The following NIPA2 variants were observed in gnomAD, a reference collection of about 807,000 sequenced individuals.
NIPA2 encodes the protein NIPA magnesium transporter 2, also known as magnesium transporter NIPA2.
Under a neutral mutation model 29.7 loss-of-function variants are expected in NIPA2, and 11 were observed. The observed-to-expected ratio is 0.37, with a 90% CI of 0.23 to 0.61. NIPA2 has a LOEUF of 0.61. Among genes scored for constraint, NIPA2 ranks in the 20% least tolerant of loss-of-function variants. NIPA2 has a pLI of 0.66. For missense variants in NIPA2, 426 were observed against 437.9 expected, an observed-to-expected ratio of 0.97 and a Z score of 0.24; for synonymous variants, 183 against 161.9, an observed-to-expected ratio of 1.13 and a Z score of -0.99.
intron 5 of NIPA2, among the ~76,000 whole-genome samples, chr15:22,854,603 G>A (rs1037677493): frequency 1.1e-4 from 17 of 151,806 alleles, no homozygotes; most frequent in Non-Finnish European, 1.8e-4. Context: ...AAAATTAGCC[G>A]GGCGTGGTGG....
In NIPA2 at chr15:22,865,413, G is replaced by A. The variant is rs548384229; in HGVS notation, c.449-800G>A. Among the ~76,000 whole-genome samples the A allele has an allele frequency of 5.9e-3, 896 of 151,974 alleles. 2 individuals carry two copies. The highest frequency in any genetic ancestry group is 0.014 in the Admixed American group (208 of 15,294). ...AGGCAGGAGAATGGCGTGAACCCGG[G>A]AGGCGGAGCTTGCAGTGAGCCGAGA... On this transcript the variant is annotated intron_variant, in intron 7 of 7. Transcript: ENST00000337451.
At chr15:22,850,331 G>C (rs1294326908) in intron 3 of NIPA2, among the ~76,000 whole-genome samples, 1 of 152,058 alleles carries the variant, frequency 6.6e-6, no homozygotes, top group Admixed American at 6.6e-5. Context: ...AGGCCTCTAG[G>C]TGTAGACTCA....
At chr15:22,843,996 C>T (rs1897886784) in intron 2 of NIPA2, among the ~76,000 whole-genome samples, 1 of 152,012 alleles carries the variant, frequency 6.6e-6, no homozygotes, top group African/African-American at 2.4e-5. Flanking sequence ...CGTGCTCGGC[C>T]CAGTTGGTGT....
intron 3 of NIPA2, among the ~76,000 whole-genome samples, chr15:22,847,602 T>G: frequency 6.6e-6 from 1 of 152,084 alleles, no homozygotes; most frequent in African/African-American, 2.4e-5. Context: ...GTAGCTATGA[T>G]TACAGGAACC....
Position 22,860,745 on chromosome 15 carries a change from A to T in NIPA2, c.404A>T (p.Glu135Val). Reference protein sequence around the residue: ...VMVIHAPKEEEIETLNEMSHK... With the variant: ...VMVIHAPKEEVIETLNEMSHK... ...GTCATTCATGCTCCAAAGGAAGAGG[A>T]GATTGAGACTTTAAATGAAATGTCT... Residue 135 changes from glutamate (E) to valine (V), a missense_variant, in exon 7 of 8, where the codon GAG (glutamate) becomes GTG (valine). Glu to Val is a moderately radical substitution (Grantham distance 121). Transcript: ENST00000337451. 1.2e-6 allele frequency: 2 copies of T among 1,601,330 alleles called. No homozygotes were observed. The highest frequency in any genetic ancestry group is 1.7e-6 in the Non-Finnish European group (2 of 1,176,456).
chr15:22,849,138 G>T (rs2057517972), intron 3 of NIPA2, among the ~76,000 whole-genome samples: 3 of 152,092 alleles, frequency 2.0e-5, no homozygotes. Flanking sequence ...CTTTAAATGT[G>T]TTTACATCTC....
At chr15:22,862,268 G>T (rs185491359) in intron 7 of NIPA2, among the ~76,000 whole-genome samples, 7 of 151,036 alleles carry the variant, frequency 4.6e-5, no homozygotes, top group Non-Finnish European at 8.8e-5. Context: ...GGCTGGTCTC[G>T]AATTCCTGAC....
intron 2 of NIPA2, among the ~76,000 whole-genome samples, chr15:22,840,112 G>T (rs2140933952): frequency 6.6e-6 from 1 of 151,802 alleles, no homozygotes; most frequent in Admixed American, 6.6e-5. Flanking sequence ...TTAGAACCGG[G>T]GTTTCACCAT....
rs879827871 is a variant in NIPA2, at chr15:22,844,411, G to A, written c.-215-735G>A. On this transcript the variant is annotated intron_variant, in intron 2 of 7. Transcript: ENST00000337451. ...CCGTCTCTACTACAAAAAATTAGCC[G>A]GGTGTGGCAGTACACGTCTGTAATC... 5.9e-5 allele frequency among the ~76,000 whole-genome samples: 9 copies of A among 151,986 alleles called. 1 individual carries two copies. The highest frequency in any genetic ancestry group is 3.3e-4 in the Admixed American group (5 of 15,266).
chr15:22,847,078 G>T (rs1431658023), intron 3 of NIPA2, among the ~76,000 whole-genome samples: 2 of 151,184 alleles, frequency 1.3e-5, no homozygotes, highest in Non-Finnish European at 2.9e-5. Flanking sequence ...TAATTTTTTT[G>T]TATTTTTAGT....
chr15:22,853,374 CTTT>C (rs35568106), intron 5 of NIPA2, 106 bp downstream of exon 5: 6,904 of 376,810 alleles, frequency 0.018, no homozygotes, highest in South Asian at 0.03. Context: ...TTTAAATAAT[CTTT>C]TTTTTTTTTT....
In NIPA2 at chr15:22,840,816, G is replaced by T. The variant is rs549421735; in HGVS notation, c.-216+1026G>T. Among the ~76,000 whole-genome samples, 5 of 152,190 alleles carry T rather than the reference G, an allele frequency of 3.3e-5. No individual in the cohort carries two copies. The East Asian group carries it at 5.8e-4, about 18-fold the overall frequency. On this transcript the variant is annotated intron_variant, in intron 2 of 7. Transcript: ENST00000337451. ...TCAGTAAGTGGTAGCTATTGTTAGG[G>T]AGAGATAATAAAAAGAATTTCACAT... is the stretch of plus-strand genomic sequence containing the variant.
intron 6 of NIPA2, among the ~76,000 whole-genome samples, chr15:22,859,271 A>AATG (rs1481434538): frequency 6.6e-6 from 1 of 151,588 alleles, no homozygotes; most frequent in Non-Finnish European, 1.5e-5. Flanking sequence ...TCTGGTTGGT[A>AATG]ATGAGTAGAT....
chr15:22,865,824 G>A (rs1226482030), intron 7 of NIPA2, among the ~76,000 whole-genome samples: 1 of 150,098 alleles, frequency 6.7e-6, no homozygotes, highest in Non-Finnish European at 1.5e-5. Flanking sequence ...AAGAACTCTT[G>A]TTTTTGTGTT....
chr15:22,855,562 C>T (rs551842055), intron 5 of NIPA2, among the ~76,000 whole-genome samples: 29 of 152,150 alleles, frequency 1.9e-4, no homozygotes, highest in Middle Eastern at 3.4e-3. Flanking sequence ...TCTCCACCCA[C>T]ATGAAGCTTA....
chr15:22,858,321 G>A (rs1423797545), intron 5 of NIPA2, among the ~76,000 whole-genome samples: 4 of 152,188 alleles, frequency 2.6e-5, no homozygotes, highest in Admixed American at 6.5e-5. Flanking sequence ...GTGAACCCGG[G>A]AGGCGGAGCT....
At chr15:22,845,533 C>G (rs1045489376) in intron 3 of NIPA2, among the ~76,000 whole-genome samples, 2 of 152,098 alleles carry the variant, frequency 1.3e-5, no homozygotes, top group African/African-American at 4.8e-5. Context: ...TTTTAAGGAA[C>G]TTAAAGAGTT....
intron 7 of NIPA2, among the ~76,000 whole-genome samples, chr15:22,865,348 T>C (rs1179291021): frequency 6.6e-6 from 1 of 151,656 alleles, no homozygotes; most frequent in Non-Finnish European, 1.5e-5. Flanking sequence ...TAGCTGGGCG[T>C]GTTGGCGGGC....
At chr15:22,862,975 C>T in intron 7 of NIPA2, among the ~76,000 whole-genome samples, 1 of 145,172 alleles carries the variant, frequency 6.9e-6, no homozygotes, top group South Asian at 2.2e-4. Context: ...GATCATGGCT[C>T]ACTGCATCCT....
Sources: gnomAD v4.1 joint callset for allele counts (sites outside exome capture counted in the v4.1 genomes callset) on GRCh38, gnomAD v4.1.1 for gene constraint, MANE v1.5 for transcripts, NCBI Gene and HGNC (gene_info 2026-07-23, HGNC 2026-07-21) for gene names.